Variants in EXPH5 observed in about 807,000 individuals in gnomAD.
EXPH5 encodes the protein exophilin 5, also known as exophilin-5.
Under a neutral mutation model 41.1 loss-of-function variants are expected in EXPH5, and 42 were observed. That is an observed-to-expected ratio of 1.02 (90% CI 0.80 to 1.32). The LOEUF (loss-of-function observed/expected upper bound fraction) is 1.32. Among genes scored for constraint, EXPH5 ranks in the 40% most tolerant of loss-of-function variants. EXPH5 has a pLI of 0.00. For missense variants in EXPH5, 2,298 were observed against 2,314.5 expected, an observed-to-expected ratio of 0.99 and a Z score of 0.15; for synonymous variants, 798 against 833.5, an observed-to-expected ratio of 0.96 and a Z score of 0.73.
In EXPH5 at chr11:108,519,751, A is replaced by C. The variant is rs568614631; in HGVS notation, c.493-1378T>G. On this transcript the variant is annotated intron_variant, in intron 4 of 5. Transcript: ENST00000265843. Reference sequence around the variant, plus strand: ...CGACAGAGTGAGACTCTGTCTTGGAAAAAAAGAAAAAAAGAAAAAAAAACC... The same window carrying C: ...CGACAGAGTGAGACTCTGTCTTGGACAAAAAGAAAAAAAGAAAAAAAAACC... Among the ~76,000 whole-genome samples the C allele has an allele frequency of 6.7e-3, 1,009 of 149,990 alleles. 9 individuals are homozygous for C. Among genetic ancestry groups the C allele is most frequent in the African/African-American group, 0.023 (932 of 39,860 alleles).
At chr11:108,587,324 G>A (rs2094116162) in intron 1 of EXPH5, among the ~76,000 whole-genome samples, 1 of 152,190 alleles carries the variant, frequency 6.6e-6, no homozygotes, top group South Asian at 2.1e-4. Context: ...CTGTGCTAAT[G>A]AGGAATGAAA....
intron 4 of EXPH5, among the ~76,000 whole-genome samples, chr11:108,524,456 G>T (rs1348630631): frequency 6.6e-6 from 1 of 152,182 alleles, no homozygotes; most frequent in Non-Finnish European, 1.5e-5. Flanking sequence ...AGCCAAATGA[G>T]GTAGAAAAGT....
rs2135881893 is a variant in EXPH5 at position 108,505,988 on chromosome 11, A to G, written c.*3549T>C. 6.6e-6 allele frequency: 1 copy of G among 152,334 alleles called. No homozygotes were observed. Among genetic ancestry groups the G allele is most frequent in the African/African-American group, 2.4e-5 (1 of 41,574 alleles). 9.4% of individuals were successfully genotyped at this position (152,334 alleles called of 1,614,324 possible). On this transcript the variant is annotated 3_prime_UTR_variant, in exon 6 of 6. Transcript: ENST00000265843. ...AAATTATTTAGAGGGGAGTCTCTAA[A>G]AATTAAAATAACTTCATTAAACCCT... is the stretch of plus-strand genomic sequence containing the variant.
the EXPH5 span, among the ~76,000 whole-genome samples, chr11:108,606,926 A>G: frequency 9.7e-4 from 147 of 152,290 alleles, 1 homozygote; most frequent in Admixed American, 1.0e-3. Context: ...ACCTTTTCAG[A>G]CTACAAAGAT....
intron 1 of EXPH5, among the ~76,000 whole-genome samples, chr11:108,571,140 G>A (rs1297360436): frequency 1.3e-5 from 2 of 152,194 alleles, no homozygotes; most frequent in Admixed American, 1.3e-4. Flanking sequence ...GGTGAGGCCT[G>A]GTGTGGCTTT....
In EXPH5 at chr11:108,514,443, A is replaced by G; in HGVS notation, c.1064T>C (p.Ile355Thr). The change falls in exon 6 of 6, where the codon ATA (isoleucine) becomes ACA (threonine). Residue 355 changes from isoleucine to threonine, a missense_variant. Physicochemically the swap from Ile to Thr is moderately conservative, Grantham distance 89 (BLOSUM62 -1). Coordinates refer to ENST00000265843, the MANE Select transcript of EXPH5 (RefSeq NM_015065.3). ...PATTQSKSGF[I>T]PPRHQQSPKR... ...TGGACTCTGCTGGTGCCTTGGTGGTATAAACCCACTCTTGCTCTGAGTTGT... is the reference window on the plus strand; with the variant it reads ...TGGACTCTGCTGGTGCCTTGGTGGTGTAAACCCACTCTTGCTCTGAGTTGT... The G allele has an allele frequency of 1.2e-6, 2 of 1,614,128 alleles. No homozygotes were observed. Among genetic ancestry groups the G allele is most frequent in the Non-Finnish European group, 8.5e-7 (1 of 1,179,990 alleles).
In EXPH5 at chr11:108,511,884, T is replaced by C; in HGVS notation, c.3623A>G (p.Glu1208Gly). The C allele has an allele frequency of 6.3e-7, 1 of 1,588,340 alleles. No homozygotes were observed. The highest frequency in any genetic ancestry group is 8.5e-7 in the Non-Finnish European group (1 of 1,172,156). ...SRRSVFALSN[E>G]DPLPFCSDLS... Reference sequence around the variant, plus strand: ...GTCTGAGCAAAAAGGTAAAGGGTCTTCATTTGAAAGAGCAAATACACTTCT... The same window carrying C: ...GTCTGAGCAAAAAGGTAAAGGGTCTCCATTTGAAAGAGCAAATACACTTCT... Residue 1208 changes from glutamate (E) to glycine (G), a missense_variant, in exon 6 of 6, where the codon GAA (glutamate) becomes GGA (glycine). Transcript: ENST00000265843.
At chr11:108,583,692 A>G (rs1263581272) in intron 1 of EXPH5, among the ~76,000 whole-genome samples, 1 of 152,026 alleles carries the variant, frequency 6.6e-6, no homozygotes, top group Non-Finnish European at 1.5e-5. Flanking sequence ...AAAATAAAAA[A>G]GTCATCTACA....
intron 1 of EXPH5, among the ~76,000 whole-genome samples, chr11:108,590,572 A>G (rs2094125053): frequency 1.3e-5 from 2 of 151,948 alleles, no homozygotes; most frequent in Non-Finnish European, 2.9e-5. Flanking sequence ...TGCATGATGA[A>G]CTCAACTACC....
chr11:108,540,402 G>C (rs568110833), intron 2 of EXPH5, among the ~76,000 whole-genome samples: 1 of 152,034 alleles, frequency 6.6e-6, no homozygotes, highest in Admixed American at 6.6e-5. Context: ...TAAATATTAG[G>C]GGAATTTAGG....
chr11:108,577,943 C>T (rs1385486164), intron 1 of EXPH5, among the ~76,000 whole-genome samples: 1 of 151,672 alleles, frequency 6.6e-6, no homozygotes, highest in South Asian at 2.1e-4. Flanking sequence ...GTTATTAATC[C>T]CTGTTGGATG....
In EXPH5 at chr11:108,582,204, C is replaced by T. The variant is rs910708040; in HGVS notation, c.119+11214G>A. Among the ~76,000 whole-genome samples the T allele has an allele frequency of 2.6e-5, 4 of 152,338 alleles. No individual in the cohort carries two copies. The South Asian group carries it at 6.2e-4, about 24-fold the overall frequency. ...ACAGGCTGGGCGTGGTGGCTCATGG[C>T]TGTAATCCCAGCACTTTGGGAGGCT... On this transcript the variant is annotated intron_variant, in intron 1 of 5. Coordinates refer to ENST00000265843, the MANE Select transcript of EXPH5 (RefSeq NM_015065.3).
At chr11:108,545,714 C>T (rs866734761) in intron 1 of EXPH5, among the ~76,000 whole-genome samples, 22 of 151,936 alleles carry the variant, frequency 1.4e-4, no homozygotes, top group African/African-American at 4.6e-4. Context: ...ACCAGCCTGG[C>T]CAACATAGCG....
chr11:108,507,924 G>C lies in EXPH5; in HGVS notation c.*1613C>G, dbSNP rs1320473877. 1 of 150,038 alleles carries C rather than the reference G, an allele frequency of 6.7e-6. No homozygotes were observed. Among genetic ancestry groups the C allele is most frequent in the Non-Finnish European group, 1.5e-5 (1 of 67,884 alleles). The allele number at this position is 150,038 out of a possible 1,614,324, so 9.3% of individuals were successfully genotyped here. ...TGTAATCCCAGCAGTTTGGGAGGCC[G>C]AGGTGGGCAGATCACCTGAGGTCAG... is the stretch of plus-strand genomic sequence containing the variant. On this transcript the variant is annotated 3_prime_UTR_variant, in exon 6 of 6. Transcript: ENST00000265843.
chr11:108,523,878 T>TAA (rs149023971), intron 4 of EXPH5, among the ~76,000 whole-genome samples: 4,605 of 152,164 alleles, frequency 0.03, 208 homozygotes, highest in African/African-American at 0.1. Context: ...TCTCAAAAAA[T>TAA]AGAAAACTAA....
chr11:108,601,838 T>C, the EXPH5 span, among the ~76,000 whole-genome samples: 6 of 152,126 alleles, frequency 3.9e-5, no homozygotes, highest in Non-Finnish European at 8.8e-5. Flanking sequence ...AACCTCCACT[T>C]CTTGGGCTCA....
intron 1 of EXPH5, among the ~76,000 whole-genome samples, chr11:108,557,669 T>C (rs1453139192): frequency 6.6e-6 from 1 of 152,156 alleles, no homozygotes; most frequent in Non-Finnish European, 1.5e-5. Flanking sequence ...TTCTTAATCC[T>C]GTTAATCTTC....
intron 1 of EXPH5, among the ~76,000 whole-genome samples, chr11:108,550,789 T>A (rs1156760413): frequency 1.3e-5 from 2 of 151,444 alleles, no homozygotes; most frequent in African/African-American, 4.8e-5. Context: ...AAAAAATAAA[T>A]AAATAAATAA....
intron 2 of EXPH5, among the ~76,000 whole-genome samples, chr11:108,540,104 T>G (rs1187145078): frequency 1.3e-5 from 2 of 152,016 alleles, no homozygotes; most frequent in African/African-American, 2.4e-5. Context: ...GTGCATCACC[T>G]GAGATCAAGA....
Sources: allele counts gnomAD v4.1 joint callset (sites outside exome capture counted in the v4.1 genomes callset), GRCh38; gene constraint gnomAD v4.1.1; transcripts MANE v1.5; gene names NCBI Gene and HGNC (gene_info 2026-07-23, HGNC 2026-07-21).